The following CEP112 variants were observed in gnomAD, a reference collection of about 807,000 sequenced individuals.
CEP112 encodes centrosomal protein of 112 kDa.
Under a neutral mutation model 153.0 loss-of-function variants are expected in CEP112, and 127 were observed. The ratio of observed to expected loss-of-function variants is 0.83; its 90% CI spans 0.72 to 0.96. CEP112 has a LOEUF of 0.96. Among genes scored for constraint, CEP112 ranks in the 40% least tolerant of loss-of-function variants. CEP112 has a pLI of 0.00. For synonymous variants in CEP112, 358 were observed against 374.4 expected, an observed-to-expected ratio of 0.96 and a Z score of 0.51; for missense variants, 1,089 against 1,101.2, an observed-to-expected ratio of 0.99 and a Z score of 0.16.
At chr17:66,096,197 T>C in intron 8 of CEP112, 54 bp downstream of exon 8, 1 of 1,284,390 alleles carries the variant, frequency 7.8e-7, no homozygotes. Flanking sequence ...CTAGATTACA[T>C]AAAATATTAA....
chr17:65,897,361 A>G (rs1255241991), intron 20 of CEP112, among the ~76,000 whole-genome samples: 2 of 152,190 alleles, frequency 1.3e-5, no homozygotes, highest in Admixed American at 1.3e-4. Flanking sequence ...TCATTTTAAT[A>G]CAGGTGTAAG....
intron 17 of CEP112, among the ~76,000 whole-genome samples, chr17:65,975,370 GAT>G (rs2062995462): frequency 6.6e-6 from 1 of 152,114 alleles, no homozygotes; most frequent in Admixed American, 6.5e-5. Context: ...TATTTAGAGA[GAT>G]ATAGAAATAT....
At chr17:65,914,105 A>G (rs2060385150) in intron 19 of CEP112, among the ~76,000 whole-genome samples, 1 of 152,066 alleles carries the variant, frequency 6.6e-6, no homozygotes, top group Non-Finnish European at 1.5e-5. Context: ...AAATTTAATT[A>G]AGATTAATTA....
At chr17:65,716,870 G>A (rs1239471277) in intron 23 of CEP112, among the ~76,000 whole-genome samples, 1 of 152,186 alleles carries the variant, frequency 6.6e-6, no homozygotes, top group Non-Finnish European at 1.5e-5. Context: ...CAAGGCCCTT[G>A]CTAGGAACAG....
intron 24 of CEP112, among the ~76,000 whole-genome samples, chr17:65,650,395 C>T (rs957552985): frequency 1.3e-5 from 2 of 152,140 alleles, no homozygotes; most frequent in Admixed American, 1.3e-4. Flanking sequence ...GGCCCCACAC[C>T]AGCCCTTGCT....
At chr17:66,069,642 G>A (rs1451808760) in intron 9 of CEP112, among the ~76,000 whole-genome samples, 2 of 152,054 alleles carry the variant, frequency 1.3e-5, no homozygotes, top group Non-Finnish European at 2.9e-5. Context: ...AAGACTATAA[G>A]AAGGTCAGCC....
chr17:66,176,614 C>T, intron 3 of CEP112: 1 of 370,954 alleles, frequency 2.7e-6, no homozygotes, highest in East Asian at 4.1e-5. Flanking sequence ...CTGTTGAATA[C>T]TGAGGCATAA....
At chr17:66,170,800 T>A (rs2072212594) in intron 4 of CEP112, among the ~76,000 whole-genome samples, 1 of 151,730 alleles carries the variant, frequency 6.6e-6, no homozygotes, top group Non-Finnish European at 1.5e-5. Flanking sequence ...TAGGCAGATA[T>A]TTGACATAAA....
chr17:65,969,199 A>G (rs1000878718), intron 17 of CEP112, among the ~76,000 whole-genome samples: 2 of 151,568 alleles, frequency 1.3e-5, no homozygotes, highest in Non-Finnish European at 2.9e-5. Flanking sequence ...CTCTTGCCTC[A>G]GCCTCCCAAG....
In CEP112 at chr17:66,141,528, A is replaced by T. The variant is rs1435924867; in HGVS notation, c.471-8765T>A. Among the ~76,000 whole-genome samples, 36 of 152,132 alleles carry T rather than the reference A, an allele frequency of 2.4e-4. 1 individual carries two copies. Among genetic ancestry groups the T allele is most frequent in the Admixed American group, 2.4e-3 (36 of 15,256 alleles). ...CTTCTAGAACGTTTTCATCTTCTGT[A>T]GCTGAAATTTTATATGCATTGAACA... is the stretch of plus-strand genomic sequence containing the variant. On this transcript the variant is annotated intron_variant, in intron 4 of 26. Coordinates refer to ENST00000535342, the MANE Select transcript of CEP112 (RefSeq NM_001199165.4).
At chr17:65,795,283 G>A (rs992404703) in intron 21 of CEP112, among the ~76,000 whole-genome samples, 2 of 152,138 alleles carry the variant, frequency 1.3e-5, no homozygotes, top group East Asian at 3.8e-4. Context: ...TATGATTAAA[G>A]GGGTAGCTAC....
At position 65,668,485 on chromosome 17, in the gene CEP112, G is replaced by A. The variant is rs571515521; in HGVS notation, c.2697+20644C>T. 2.6e-5 allele frequency among the ~76,000 whole-genome samples: 4 copies of A among 152,206 alleles called. No homozygotes were observed. The South Asian group carries it at 6.2e-4, about 24-fold the overall frequency. ...TTTCCTAACTCAGATCCCCCACCTG[G>A]AAGATCTTCTGTTTGTAGTTAAGTA... On this transcript the variant is annotated intron_variant, in intron 24 of 26. Coordinates refer to ENST00000535342, the MANE Select transcript of CEP112 (RefSeq NM_001199165.4).
At chr17:66,005,122 A>T (rs1429160929) in intron 17 of CEP112, among the ~76,000 whole-genome samples, 1 of 152,218 alleles carries the variant, frequency 6.6e-6, no homozygotes, top group Non-Finnish European at 1.5e-5. Context: ...AAATGAATCA[A>T]TGTTTTTTCA....
At chr17:65,926,435 G>A (rs772009845) in intron 19 of CEP112, among the ~76,000 whole-genome samples, 6 of 152,116 alleles carry the variant, frequency 3.9e-5, no homozygotes, top group Non-Finnish European at 8.8e-5. Context: ...TCTTCAGGCC[G>A]GGTGTGGTGG....
At chr17:65,762,420 T>C (rs892345288) in intron 21 of CEP112, among the ~76,000 whole-genome samples, 5 of 152,056 alleles carry the variant, frequency 3.3e-5, no homozygotes, top group African/African-American at 9.7e-5. Flanking sequence ...GTTTAGGCCA[T>C]TGACATCCAA....
chr17:66,003,773 G>C (rs972290485), intron 17 of CEP112, among the ~76,000 whole-genome samples: 1 of 152,156 alleles, frequency 6.6e-6, no homozygotes, highest in East Asian at 1.9e-4. Flanking sequence ...ATTCTCACAG[G>C]AGCGTGAACC....
chr17:66,040,744 C>A (rs1353595521), intron 12 of CEP112, among the ~76,000 whole-genome samples: 1 of 152,212 alleles, frequency 6.6e-6, no homozygotes, highest in Non-Finnish European at 1.5e-5. Context: ...CCTCCCTTGG[C>A]CTTCCAAAGT....
chr17:66,165,621 C>T (rs1568566973), intron 4 of CEP112, among the ~76,000 whole-genome samples: 1 of 152,106 alleles, frequency 6.6e-6, no homozygotes, highest in Non-Finnish European at 1.5e-5. Context: ...TAAAAAGATT[C>T]TTTTGCATGC....
intron 23 of CEP112, among the ~76,000 whole-genome samples, chr17:65,739,634 G>A (rs1277924969): frequency 6.6e-6 from 1 of 152,052 alleles, no homozygotes; most frequent in Non-Finnish European, 1.5e-5. Flanking sequence ...TGCTTGGGAG[G>A]CTGAGGCAGG....
Sources: gnomAD v4.1 joint callset for allele counts (sites outside exome capture counted in the v4.1 genomes callset) on GRCh38, gnomAD v4.1.1 for gene constraint, MANE v1.5 for transcripts, NCBI Gene and HGNC (gene_info 2026-07-23, HGNC 2026-07-21) for gene names.